Variants in ARNT2 observed in about 807,000 individuals in gnomAD.
ARNT2 encodes ARNT protein 2.
In ARNT2, 36 loss-of-function variants were observed where a neutral mutation model predicts 91.7. The observed-to-expected ratio is 0.39, with a 90% confidence interval of 0.30 to 0.52. ARNT2 has a LOEUF of 0.52. ARNT2 is among the 20% of genes least tolerant of loss of function. The pLI, the probability that ARNT2 is intolerant of heterozygous loss-of-function variation, is 0.72. For missense variants in ARNT2, 775 were observed against 939.3 expected (o/e 0.83, Z 2.29); for synonymous variants, 365 against 347.1 (o/e 1.05, Z -0.57).
At chr15:80,537,444 T>A (rs1897843961) in intron 8 of ARNT2, among the ~76,000 whole-genome samples, 1 of 152,162 alleles carries the variant, frequency 6.6e-6, no homozygotes, top group South Asian at 2.1e-4. Context: ...ACCTAATTAT[T>A]ATTGAGAGAA....
chr15:80,453,950 T>A (rs1462880293), intron 2 of ARNT2, among the ~76,000 whole-genome samples: 6 of 152,198 alleles, frequency 3.9e-5, no homozygotes, highest in African/African-American at 1.4e-4. Context: ...CTTCCCACCC[T>A]AGTGTTCCAA....
chr15:80,515,459 A>G (rs886529423), intron 8 of ARNT2, among the ~76,000 whole-genome samples: 1 of 152,242 alleles, frequency 6.6e-6, no homozygotes, highest in African/African-American at 2.4e-5. Flanking sequence ...TAAAAATGTC[A>G]TGCTAAGTGA....
At chr15:80,437,260 C>G (rs1221381063) in intron 1 of ARNT2, among the ~76,000 whole-genome samples, 3 of 152,192 alleles carry the variant, frequency 2.0e-5, no homozygotes, top group Non-Finnish European at 2.9e-5. Context: ...ACTGTTACCT[C>G]TTGCCCCGAC....
intron 5 of ARNT2, among the ~76,000 whole-genome samples, chr15:80,482,230 G>C (rs61349920): frequency 2.0e-5 from 3 of 152,114 alleles, no homozygotes; most frequent in Non-Finnish European, 2.9e-5. Context: ...TTTCTAGCAC[G>C]TTTACCTATT....
chr15:80,576,179 T>C (rs1232551702), intron 14 of ARNT2, among the ~76,000 whole-genome samples: 1 of 152,224 alleles, frequency 6.6e-6, no homozygotes, highest in African/African-American at 2.4e-5. Flanking sequence ...TCCTCTTCGC[T>C]GTTACCCTGT....
In ARNT2 at chr15:80,580,453, C is replaced by G. The variant is rs760389433; in HGVS notation, c.1656C>G (p.Ser552=). The G allele has an allele frequency of 1.5e-5, 25 of 1,614,004 alleles. No individual in the cohort carries two copies. Among genetic ancestry groups the G allele is most frequent in the Non-Finnish European group, 2.0e-5 (24 of 1,180,048 alleles). Residue 552 remains serine (S), a synonymous_variant, in exon 16 of 19, where the codon TCC becomes TCG. Coordinates refer to ENST00000303329, the MANE Select transcript of ARNT2 (RefSeq NM_014862.4). ...VHVPGVNDIQ[S]SSSTGQNMSQ... ...TGCCTGGAGTGAATGATATTCAGTCCTCTTCTTCCACGGGCCAGAACATGT... is the reference window on the plus strand; with the variant it reads ...TGCCTGGAGTGAATGATATTCAGTCGTCTTCTTCCACGGGCCAGAACATGT...
intron 1 of ARNT2, among the ~76,000 whole-genome samples, chr15:80,435,855 G>A (rs1896077723): frequency 6.7e-6 from 1 of 149,372 alleles, no homozygotes; most frequent in African/African-American, 2.5e-5. Flanking sequence ...TGTGTTGATG[G>A]TAAAAGGAAT....
rs576122066 is a variant in ARNT2, at chr15:80,591,806, G to A, written c.2055+102G>A. 45 of 1,545,054 alleles carry A rather than the reference G, an allele frequency of 2.9e-5. No individual in the cohort carries two copies. The Middle Eastern group carries it at 5.8e-4, about 20-fold the overall frequency. Reference sequence around the variant, plus strand: ...CACCACCGCCTGCCCGATAGCCGTCGTGAGTTCTGGCCCAGCCTGGGCTCG... The same window carrying A: ...CACCACCGCCTGCCCGATAGCCGTCATGAGTTCTGGCCCAGCCTGGGCTCG... On this transcript the variant is annotated intron_variant, in intron 18 of 18. Coordinates refer to ENST00000303329, the MANE Select transcript of ARNT2 (RefSeq NM_014862.4). The surrounding 1 kb of genome is among the most constrained non-coding windows in gnomAD (Gnocchi z 5.1).
At chr15:80,517,083 C>G (rs902365403) in intron 8 of ARNT2, among the ~76,000 whole-genome samples, 1 of 151,862 alleles carries the variant, frequency 6.6e-6, no homozygotes, top group Non-Finnish European at 1.5e-5. Flanking sequence ...TATTCCTTCT[C>G]TGATGCTCTT....
At chr15:80,420,504 A>G (rs569288372) in intron 1 of ARNT2, among the ~76,000 whole-genome samples, 1 of 152,226 alleles carries the variant, frequency 6.6e-6, no homozygotes, top group South Asian at 2.1e-4. Flanking sequence ...TGCATTTTTG[A>G]CTGAAGATAT....
intron 8 of ARNT2, among the ~76,000 whole-genome samples, chr15:80,522,542 A>G (rs1167231158): frequency 1.3e-5 from 2 of 152,190 alleles, no homozygotes; most frequent in African/African-American, 4.8e-5. Flanking sequence ...CACCTAGGCT[A>G]TGTGGGATAG....
chr15:80,563,567 C>T (rs953514072), intron 12 of ARNT2, among the ~76,000 whole-genome samples: 4 of 152,202 alleles, frequency 2.6e-5, no homozygotes, highest in Non-Finnish European at 4.4e-5. Context: ...TGCTGGGCCC[C>T]GCCTTGTTGC....
intron 5 of ARNT2, among the ~76,000 whole-genome samples, chr15:80,496,784 G>A (rs890491067): frequency 1.3e-5 from 2 of 152,178 alleles, no homozygotes; most frequent in African/African-American, 4.8e-5. Context: ...TACTTGTAGA[G>A]AAAAGCATTA....
intron 8 of ARNT2, among the ~76,000 whole-genome samples, chr15:80,526,795 C>A (rs552381435): frequency 1.3e-5 from 2 of 152,372 alleles, no homozygotes; most frequent in South Asian, 4.1e-4. Flanking sequence ...AGTGCTGTCA[C>A]TTCACCAGAC....
Position 80,546,969 on chromosome 15 carries a change from A to AC in ARNT2, c.878-4230_878-4229insC, listed in dbSNP as rs1410433142. Among the ~76,000 whole-genome samples the AC allele has an allele frequency of 7.9e-5, 12 of 152,192 alleles. No individual in the cohort carries two copies. In the East Asian group the frequency reaches 1.9e-3, roughly 24 times the overall value. On this transcript the variant is annotated intron_variant, in intron 8 of 18. Transcript: ENST00000303329. The stretch of plus-strand genomic sequence containing the variant: ...CAGAGTGAAACTCCATCTCAAAAAA[A>AC]AAAACCAAACAAAACAAAACAATAA...
At chr15:80,526,733 A>G (rs1254229738) in intron 8 of ARNT2, among the ~76,000 whole-genome samples, 2 of 152,224 alleles carry the variant, frequency 1.3e-5, no homozygotes, top group Non-Finnish European at 2.9e-5. Flanking sequence ...ACAGCATGCC[A>G]GAGGCCTGAG....
chr15:80,430,323 C>T (rs981490392), intron 1 of ARNT2, among the ~76,000 whole-genome samples: 10 of 152,290 alleles, frequency 6.6e-5, no homozygotes, highest in African/African-American at 2.2e-4. Flanking sequence ...TCTCCACACC[C>T]GGCTGGCCAC....
At chr15:80,506,067 GC>G (rs894331770) in intron 5 of ARNT2, among the ~76,000 whole-genome samples, 2 of 151,642 alleles carry the variant, frequency 1.3e-5, no homozygotes, top group African/African-American at 4.9e-5. Context: ...CTCCCGAGTA[GC>G]TGGGACTACA....
chr15:80,420,237 T>C (rs1447216967), intron 1 of ARNT2, among the ~76,000 whole-genome samples: 3 of 152,138 alleles, frequency 2.0e-5, no homozygotes, highest in South Asian at 2.1e-4. Context: ...CTTAAGATTT[T>C]TGACTTTATG....
Sources: gnomAD v4.1 joint callset for allele counts (sites outside exome capture counted in the v4.1 genomes callset) on GRCh38, gnomAD v4.1.1 for gene constraint, Gnocchi (gnomAD v3.1) non-coding constraint, MANE v1.5 for transcripts, NCBI Gene and HGNC (gene_info 2026-07-23, HGNC 2026-07-21) for gene names.